ANKMY1: variants seen among roughly 807,000 people sequenced by gnomAD.
ANKMY1 encodes ankyrin repeat and MYND domain-containing protein 1.
A neutral mutation model predicts 102.0 loss-of-function variants in ANKMY1; 98 were observed. That is an observed-to-expected ratio of 0.96 (90% confidence interval 0.82 to 1.14). The LOEUF is 1.14. Ranked by LOEUF, ANKMY1 falls within the 50% of genes most tolerant of loss-of-function variation. The pLI is 0.00. For missense variants in ANKMY1, 1,330 were observed against 1,347.6 expected, an observed-to-expected ratio of 0.99 and a Z score of 0.20; for synonymous variants, 582 against 559.9, an observed-to-expected ratio of 1.04 and a Z score of -0.56.
intron 4 of ANKMY1, among the ~76,000 whole-genome samples, chr2:240,535,798 G>A (rs1176648201): frequency 6.6e-6 from 1 of 152,098 alleles, no homozygotes; most frequent in Non-Finnish European, 1.5e-5. Context: ...TCATGCCACT[G>A]CACTCCAGCC....
intron 11 of ANKMY1, among the ~76,000 whole-genome samples, chr2:240,510,153 C>T (rs1378816902): frequency 3.0e-5 from 4 of 135,102 alleles, no homozygotes; most frequent in East Asian, 2.2e-4. Context: ...CTCCCCAATC[C>T]GTGCCCTCCC....
At chr2:240,528,983 G>A in intron 5 of ANKMY1, 54 bp downstream of exon 5, 1 of 1,558,330 alleles carries the variant, frequency 6.4e-7, no homozygotes, top group Non-Finnish European at 8.8e-7. Flanking sequence ...AACCTGCCTA[G>A]GGCAGCCTGC....
upstream of ANKMY1, chr2:240,560,269 C>G (rs1158629677): frequency 6.2e-6 from 1 of 161,786 alleles, no homozygotes; most frequent in African/African-American, 2.4e-5. Flanking sequence ...AGCCGAACGA[C>G]GCGGACGCGA....
intron 15 of ANKMY1, among the ~76,000 whole-genome samples, chr2:240,498,560 G>C (rs2077606009): frequency 7.3e-6 from 1 of 137,002 alleles, no homozygotes; most frequent in Non-Finnish European, 1.6e-5. Flanking sequence ...GTGGAGCTGA[G>C]GGTTTCAGGG....
intron 9 of ANKMY1, among the ~76,000 whole-genome samples, chr2:240,518,225 C>G (rs2081530646): frequency 6.6e-6 from 1 of 152,170 alleles, no homozygotes; most frequent in South Asian, 2.1e-4. Flanking sequence ...CTTATCTGAG[C>G]TCCTTCCTCA....
chr2:240,505,100 CTG>C (rs1553565798), intron 13 of ANKMY1, among the ~76,000 whole-genome samples: 1 of 152,134 alleles, frequency 6.6e-6, no homozygotes, highest in Non-Finnish European at 1.5e-5. Context: ...GACTGGAACT[CTG>C]TGCACTGTTG....
intron 4 of ANKMY1, among the ~76,000 whole-genome samples, chr2:240,534,199 C>T (rs1299775889): frequency 1.3e-5 from 2 of 152,250 alleles, no homozygotes; most frequent in African/African-American, 4.8e-5. Flanking sequence ...CAGTTTGGGG[C>T]ATCCACTGGG....
intron 4 of ANKMY1, among the ~76,000 whole-genome samples, chr2:240,535,765 CAG>C (rs1486511728): frequency 6.6e-6 from 1 of 152,078 alleles, no homozygotes; most frequent in Non-Finnish European, 1.5e-5. Flanking sequence ...TTTAAAAAAT[CAG>C]AGTTTAGTCC....
chr2:240,482,583 G>C (rs1390333327), intron 15 of ANKMY1, among the ~76,000 whole-genome samples: 1 of 152,244 alleles, frequency 6.6e-6, no homozygotes, highest in Non-Finnish European at 1.5e-5. Flanking sequence ...TTGTTATTTA[G>C]ACATGTGTTA....
intron 7 of ANKMY1, 143 bp from the exon 8 acceptor site, chr2:240,524,524 C>T: frequency 1.1e-6 from 1 of 925,096 alleles, no homozygotes; most frequent in East Asian, 2.6e-5. Context: ...CAGCTTTCCC[C>T]AAACCCTCAA....
chr2:240,553,042 A>G lies in ANKMY1; in HGVS notation c.352T>C (p.Phe118Leu). ...WPTGESYHGQFYRDHCHGLGT... is the reference protein window; with the variant it reads ...WPTGESYHGQLYRDHCHGLGT... ...AGGCCATGGCAGTGGTCCCGGTAAA[A>G]CTGCCCATGGTATGACTGTGAGATG... The change falls in exon 4 of 18, where the codon TTT becomes CTT. Residue 118 changes from phenylalanine to leucine, a missense_variant. Coordinates refer to ENST00000401804, the MANE Select transcript of ANKMY1 (RefSeq NM_001282771.3). 3.7e-6 allele frequency: 6 copies of G among 1,613,694 alleles called. No homozygotes were observed. Among genetic ancestry groups the G allele is most frequent in the Non-Finnish European group, 5.1e-6 (6 of 1,179,842 alleles).
intron 3 of ANKMY1, chr2:240,553,376 G>C (rs1039729256): frequency 6.0e-6 from 2 of 335,494 alleles, no homozygotes; most frequent in African/African-American, 4.2e-5. Flanking sequence ...TTGATCTTAG[G>C]TTTGGAGGGT....
In ANKMY1 at chr2:240,555,056, C is replaced by T. The variant is rs570947944; in HGVS notation, c.147-1G>A. On this transcript the variant is annotated splice_acceptor_variant, in intron 2 of 17. Coordinates refer to ENST00000401804, the MANE Select transcript of ANKMY1 (RefSeq NM_001282771.3). LOFTEE classifies it high-confidence loss of function. ...CTTCTCAGGGGCTGCTGAAACATCCCTAAAAGGACAGGAGCAGAAGGAGGG... is the reference window on the plus strand; with the variant it reads ...CTTCTCAGGGGCTGCTGAAACATCCTTAAAAGGACAGGAGCAGAAGGAGGG... 2 of 1,613,812 alleles carry T rather than the reference C, an allele frequency of 1.2e-6. No individual in the cohort carries two copies. Among genetic ancestry groups the T allele is most frequent in the Non-Finnish European group, 1.7e-6 (2 of 1,179,816 alleles).
chr2:240,558,078 G>T, upstream of ANKMY1: 2 of 768,150 alleles, frequency 2.6e-6, no homozygotes, highest in South Asian at 5.9e-5. Flanking sequence ...GACGCACCCG[G>T]CCCCGCCTCC....
At chr2:240,469,618 C>T in the ANKMY1 span, among the ~76,000 whole-genome samples, 1 of 148,700 alleles carries the variant, frequency 6.7e-6, no homozygotes, top group East Asian at 1.9e-4. Context: ...GTCTGCTCCA[C>T]ACGAACATAC....
intron 17 of ANKMY1, 80 bp downstream of exon 17, chr2:240,480,857 C>A: frequency 6.7e-7 from 1 of 1,496,088 alleles, no homozygotes. Flanking sequence ...ATGAGGGTGC[C>A]CCTCACCAGC....
chr2:240,505,169 A>G (rs1197777623), intron 13 of ANKMY1, among the ~76,000 whole-genome samples: 2 of 151,008 alleles, frequency 1.3e-5, no homozygotes, highest in Admixed American at 1.3e-4. Flanking sequence ...TCTTCAAAAC[A>G]TTAAACGTAT....
intron 7 of ANKMY1, 51 bp downstream of exon 7, chr2:240,525,634 G>C (rs1289975538): frequency 1.3e-6 from 2 of 1,584,722 alleles, no homozygotes; most frequent in East Asian, 4.5e-5. Flanking sequence ...TACAGAGACA[G>C]AGAAGACTAC....
chr2:240,478,550 G>T (rs544423503), downstream of ANKMY1, among the ~76,000 whole-genome samples: 3 of 152,156 alleles, frequency 2.0e-5, no homozygotes, highest in East Asian at 5.8e-4. Flanking sequence ...GTGACCAGCC[G>T]ATGCAGGGGT....
Sources: allele counts gnomAD v4.1 joint callset (sites outside exome capture counted in the v4.1 genomes callset), GRCh38; gene constraint gnomAD v4.1.1; transcripts MANE v1.5; gene names NCBI Gene and HGNC (gene_info 2026-07-23, HGNC 2026-07-21).